Variants in BFSP1 observed in about 807,000 individuals in gnomAD.
BFSP1 encodes filensin.
Under a neutral mutation model 43.9 loss-of-function variants are expected in BFSP1, and 38 were observed. The observed-to-expected ratio is 0.87, with a 90% CI of 0.67 to 1.14. BFSP1 has a LOEUF of 1.14. Among genes scored for constraint, BFSP1 ranks in the 50% most tolerant of loss-of-function variants. The pLI is 0.00. For synonymous variants in BFSP1, 352 were observed against 354.8 expected, an observed-to-expected ratio of 0.99 and a Z score of 0.09; for missense variants, 850 against 875.1, an observed-to-expected ratio of 0.97 and a Z score of 0.36.
At chr20:17,564,085 T>C (rs1304701206) in intron 1 of BFSP1, among the ~76,000 whole-genome samples, 1 of 151,796 alleles carries the variant, frequency 6.6e-6, no homozygotes, top group Non-Finnish European at 1.5e-5. Context: ...GTAATTCCAA[T>C]ACTTTGGGAG....
intron 2 of BFSP1, among the ~76,000 whole-genome samples, chr20:17,515,917 G>A (rs56360827): frequency 1.2e-4 from 18 of 152,178 alleles, no homozygotes; most frequent in African/African-American, 3.1e-4. Context: ...CTCCATACTC[G>A]CATGAACAGA....
chr20:17,553,929 G>T (rs1431427668), intron 1 of BFSP1, among the ~76,000 whole-genome samples: 1 of 147,544 alleles, frequency 6.8e-6, no homozygotes, highest in East Asian at 2.0e-4. Context: ...AAATACAAGA[G>T]AAGTCACAAT....
In BFSP1 at chr20:17,497,617, CAT is replaced by C. The variant is rs201544354; in HGVS notation, c.957-596_957-595del. On this transcript the variant is annotated intron_variant, in intron 6 of 7. Coordinates refer to ENST00000377873, the MANE Select transcript of BFSP1 (RefSeq NM_001195.5). ...ACGTGTATATATATACGTATATATACATATACACACACATATATACATATATA... is the reference window on the plus strand; with the variant it reads ...ACGTGTATATATATACGTATATATACATACACACACATATATACATATATA... Among the ~76,000 whole-genome samples the C allele has an allele frequency of 1.6e-4, 23 of 144,198 alleles. 1 individual carries two copies. Among genetic ancestry groups the C allele is most frequent in the Non-Finnish European group, 1.5e-5 (1 of 66,404 alleles). The allele number at this position is 144,198 out of a possible 152,430, so 94.6% of individuals were successfully genotyped here.
intron 1 of BFSP1, among the ~76,000 whole-genome samples, chr20:17,540,613 T>C (rs944214728): frequency 2.6e-5 from 4 of 152,088 alleles, no homozygotes; most frequent in East Asian, 1.9e-4. Context: ...TCAGTGGCCA[T>C]TGTCCACCTG....
chr20:17,516,585 A>G (rs567783654), intron 2 of BFSP1, among the ~76,000 whole-genome samples: 3 of 152,324 alleles, frequency 2.0e-5, no homozygotes, highest in Non-Finnish European at 4.4e-5. Flanking sequence ...CCTGCATCAC[A>G]ATAAATGTTA....
At chr20:17,565,407 A>G (rs1276755318) in intron 1 of BFSP1, 1 of 152,240 alleles carries the variant, frequency 6.6e-6, no homozygotes, top group Non-Finnish European at 1.5e-5. Flanking sequence ...AAGGCTGTTC[A>G]CTGAAGAACC....
chr20:17,504,931 T>G (rs910204435), intron 5 of BFSP1, among the ~76,000 whole-genome samples: 1 of 143,796 alleles, frequency 7.0e-6, no homozygotes, highest in South Asian at 2.1e-4. Context: ...TGTTTTTGTT[T>G]TTGTTTTGTC....
At chr20:17,499,444 A>C (rs1395872980) in intron 5 of BFSP1, among the ~76,000 whole-genome samples, 4 of 108,798 alleles carry the variant, frequency 3.7e-5, no homozygotes, top group African/African-American at 7.3e-5. Flanking sequence ...ATAGGGTCCC[A>C]CTTCGTTGCC....
chr20:17,506,355 G>A (rs1009879817), intron 5 of BFSP1, among the ~76,000 whole-genome samples: 5 of 152,050 alleles, frequency 3.3e-5, no homozygotes, highest in South Asian at 2.1e-4. Context: ...ACACAACTGC[G>A]ATGACACGGG....
rs1445535396 is a variant in BFSP1, at chr20:17,558,954, G to T, written c.-265C>A. Reference sequence around the variant, plus strand: ...AGCAATTCCTTCCACTTCCAGCATGGAAAATTTTACTAGGGGACCACCTCT... The same window carrying T: ...AGCAATTCCTTCCACTTCCAGCATGTAAAATTTTACTAGGGGACCACCTCT... On this transcript the variant is annotated 5_prime_UTR_variant, in exon 1 of 8. Coordinates refer to the BFSP1 transcript ENST00000377868. The T allele has an allele frequency of 1.3e-5, 5 of 374,126 alleles. No homozygotes were observed. In the Admixed American group the frequency reaches 2.2e-4, roughly 17 times the overall value. The allele number at this position is 374,126 out of a possible 1,614,324, so 23.2% of individuals were successfully genotyped here.
At chr20:17,499,166 G>A (rs963314709) in intron 5 of BFSP1, 126 bp from the exon 6 acceptor site, 11 of 817,692 alleles carry the variant, frequency 1.3e-5, no homozygotes, top group East Asian at 1.0e-4. Context: ...CTGTCCATTC[G>A]AGATTAGCAA....
chr20:17,514,575 G>C (rs922410054), intron 3 of BFSP1, 146 bp downstream of exon 3: 8 of 747,792 alleles, frequency 1.1e-5, no homozygotes, highest in African/African-American at 3.4e-5. Context: ...ACTGTCCAGT[G>C]ACCAATTCAC....
intron 1 of BFSP1, among the ~76,000 whole-genome samples, chr20:17,529,012 T>C (rs746337960): frequency 8.5e-5 from 13 of 152,148 alleles, no homozygotes; most frequent in Non-Finnish European, 1.9e-4. Flanking sequence ...ATCTGTATTT[T>C]AAAATTCATT....
At chr20:17,515,038 C>T (rs897785771) in intron 2 of BFSP1, among the ~76,000 whole-genome samples, 3 of 152,134 alleles carry the variant, frequency 2.0e-5, no homozygotes, top group Non-Finnish European at 2.9e-5. Flanking sequence ...TGATTTTGCC[C>T]CCCAAGGGGA....
intron 5 of BFSP1, among the ~76,000 whole-genome samples, chr20:17,504,365 GA>G (rs1568684845): frequency 6.6e-6 from 1 of 152,128 alleles, no homozygotes; most frequent in Non-Finnish European, 1.5e-5. Context: ...AAACCAGTAA[GA>G]GCTCCTGTCT....
At chr20:17,497,488 ATATATATATACACGTATATATACG>A (rs1568679256) in intron 6 of BFSP1, among the ~76,000 whole-genome samples, 10 of 147,776 alleles carry the variant, frequency 6.8e-5, no homozygotes, top group African/African-American at 2.0e-4. Context: ...ATACGTGTGT[ATATATATATACACGTATATATACG>A]TATATATATA....
At chr20:17,529,090 T>TGTGTGTGTGAGA (rs577672397) in intron 1 of BFSP1, among the ~76,000 whole-genome samples, 1 of 151,496 alleles carries the variant, frequency 6.6e-6, no homozygotes, top group African/African-American at 2.4e-5. Flanking sequence ...TGTGTGTGTG[T>TGTGTGTGTGAGA]GAGACAGAGT....
Position 17,498,826 on chromosome 20 carries a change from C to G in BFSP1, c.950G>C (p.Gly317Ala), listed in dbSNP as rs954055893. 1.2e-6 allele frequency: 2 copies of G among 1,612,498 alleles called. No individual in the cohort carries two copies. The highest frequency in any genetic ancestry group is 8.5e-7 in the Non-Finnish European group (1 of 1,179,934). ...DRYHRIIEIE[G>A]NRLTSAFIET... ...GGGGAGGGCACACGCTCACCTGTTG[C>G]CTTCAATCTCGATGATACGATGATA... Residue 317 changes from glycine to alanine, a missense_variant, in exon 6 of 8, where the codon GGC (glycine) becomes GCC (alanine). Gly to Ala is a moderately conservative substitution (Grantham distance 60). Coordinates refer to ENST00000377873, the MANE Select transcript of BFSP1 (RefSeq NM_001195.5).
At chr20:17,497,372 T>G (rs1014730805) in intron 6 of BFSP1, among the ~76,000 whole-genome samples, 37 of 151,468 alleles carry the variant, frequency 2.4e-4, no homozygotes, top group African/African-American at 8.2e-4. Context: ...GTTAGAGTAG[T>G]CAACCCAGGC....
Sources: allele counts gnomAD v4.1 joint callset (sites outside exome capture counted in the v4.1 genomes callset), GRCh38; gene constraint gnomAD v4.1.1; transcripts MANE v1.5; gene names NCBI Gene and HGNC (gene_info 2026-07-23, HGNC 2026-07-21).